CYP2C19: variants seen among roughly 807,000 people sequenced by gnomAD.
The protein encoded by CYP2C19 is cytochrome P450 2C19.
A neutral mutation model predicts 40.9 loss-of-function variants in CYP2C19; 59 were observed. That is an observed-to-expected ratio of 1.44 (90% CI 1.17 to 1.79). The LOEUF is 1.79. CYP2C19 is among the 40% of genes most tolerant of loss of function. The pLI is 0.00. For missense variants in CYP2C19, 754 were observed against 596.9 expected (o/e 1.26, Z -2.74); for synonymous variants, 253 against 208.7 (o/e 1.21, Z -1.83).
intron 5 of CYP2C19, among the ~76,000 whole-genome samples, chr10:94,795,891 G>C (rs959857011): frequency 6.6e-6 from 1 of 152,036 alleles, no homozygotes; most frequent in African/African-American, 2.4e-5. Flanking sequence ...GTAGATTCTT[G>C]ATATTAGGCC....
At chr10:94,829,170 T>C (rs529616109) in intron 6 of CYP2C19, among the ~76,000 whole-genome samples, 1 of 152,266 alleles carries the variant, frequency 6.6e-6, no homozygotes, top group East Asian at 1.9e-4. Flanking sequence ...AGGAGTATCT[T>C]TGTGGCGTTC....
chr10:94,838,136 A>G (rs977747673), intron 6 of CYP2C19, among the ~76,000 whole-genome samples: 1 of 152,044 alleles, frequency 6.6e-6, no homozygotes, highest in African/African-American at 2.4e-5. Flanking sequence ...TGAATAATTC[A>G]TAGTCTTCCT....
intron 7 of CYP2C19, among the ~76,000 whole-genome samples, chr10:94,843,703 G>A (rs1247219009): frequency 6.6e-6 from 1 of 152,092 alleles, no homozygotes; most frequent in Non-Finnish European, 1.5e-5. Context: ...CTGTATCTGT[G>A]TTAATATTGT....
intron 6 of CYP2C19, among the ~76,000 whole-genome samples, chr10:94,835,302 T>C (rs1421231390): frequency 6.6e-6 from 1 of 152,206 alleles, no homozygotes; most frequent in Non-Finnish European, 1.5e-5. Flanking sequence ...ATGGGTGCTA[T>C]CAATACCTAA....
At position 94,842,983 on chromosome 10, in the gene CYP2C19, G is replaced by A. The variant is rs1849519553; in HGVS notation, c.1108G>A (p.Val370Met). 3 of 1,614,204 alleles carry A rather than the reference G, an allele frequency of 1.9e-6. No homozygotes were observed. The highest frequency in any genetic ancestry group is 1.1e-5 in the South Asian group (1 of 91,080). The change falls in exon 7 of 9, where the codon GTG (valine) becomes ATG (methionine). Residue 370 changes from valine to methionine, a missense_variant. By Grantham distance (21) the Val-to-Met change is conservative. Coordinates refer to ENST00000371321, the MANE Select transcript of CYP2C19 (RefSeq NM_000769.4). Reference protein sequence around the residue: ...DLIPTSLPHAVTCDVKFRNYL... With the variant: ...DLIPTSLPHAMTCDVKFRNYL... ...CATCCCCACCAGCCTGCCCCATGCA[G>A]TGACCTGTGACGTTAAATTCAGAAA...
chr10:94,799,794 A>T (rs1299707873), intron 5 of CYP2C19, among the ~76,000 whole-genome samples: 1 of 151,866 alleles, frequency 6.6e-6, no homozygotes, highest in African/African-American at 2.4e-5. Flanking sequence ...ACTTGGTTTT[A>T]TTGACTATTG....
At chr10:94,833,817 T>C (rs547356013) in intron 6 of CYP2C19, among the ~76,000 whole-genome samples, 1 of 152,262 alleles carries the variant, frequency 6.6e-6, no homozygotes, top group South Asian at 2.1e-4. Context: ...GATTTCCACA[T>C]GTTGAACCAT....
rs549875085 is a variant in CYP2C19, at chr10:94,828,213, A to G, written c.961+7576A>G. On this transcript the variant is annotated intron_variant, in intron 6 of 8. Coordinates refer to ENST00000371321, the MANE Select transcript of CYP2C19 (RefSeq NM_000769.4). ...GCAGACCTGAGTTCAATTCCTGGGTATCCTTGTTGACTTTCTGTCTCGTTG... is the reference window on the plus strand; with the variant it reads ...GCAGACCTGAGTTCAATTCCTGGGTGTCCTTGTTGACTTTCTGTCTCGTTG... Among the ~76,000 whole-genome samples, 394 of 151,962 alleles carry G rather than the reference A, an allele frequency of 2.6e-3. 2 individuals carry two copies. Among genetic ancestry groups the G allele is most frequent in the African/African-American group, 8.4e-3 (346 of 41,398 alleles).
intron 5 of CYP2C19, among the ~76,000 whole-genome samples, chr10:94,814,217 C>A (rs1309334008): frequency 6.6e-6 from 1 of 151,766 alleles, no homozygotes; most frequent in Non-Finnish European, 1.5e-5. Flanking sequence ...CTGACTGGAG[C>A]TTTTCTTATT....
In CYP2C19 at chr10:94,842,838, TA is replaced by T; in HGVS notation, c.966del (p.Val323SerfsTer48). Reference protein sequence around the residue: ...LLLKHPEVTAKVQEEIERVIG... With the variant: ...LLLKHPEVTAXVQEEIERVIG... ...CAGTTCTTACTTGTGTCTTGTCAGC[TA>T]AAGTCCAGGAAGAGATTGAACGTGT... On this transcript the variant is annotated frameshift_variant and splice_region_variant, in exon 7 of 9. Transcript: ENST00000371321. LOFTEE classifies it high-confidence loss of function. 1 of 1,614,158 alleles carries T rather than the reference TA, an allele frequency of 6.2e-7. No homozygotes were observed. The highest frequency in any genetic ancestry group is 1.7e-5 in the Admixed American group (1 of 60,016).
intron 6 of CYP2C19, among the ~76,000 whole-genome samples, chr10:94,827,875 G>A (rs943597686): frequency 4.0e-4 from 61 of 151,808 alleles, no homozygotes; most frequent in Admixed American, 1.1e-3. Flanking sequence ...CTTTGTTCTT[G>A]TTGGTTTCAA....
intron 3 of CYP2C19, among the ~76,000 whole-genome samples, chr10:94,777,239 T>C (rs1429946458): frequency 6.6e-6 from 1 of 152,184 alleles, no homozygotes; most frequent in Admixed American, 6.5e-5. Flanking sequence ...AAGTAATTTA[T>C]AGGTTCAATG....
intron 7 of CYP2C19, among the ~76,000 whole-genome samples, chr10:94,843,414 T>C (rs1238460493): frequency 6.6e-6 from 1 of 152,220 alleles, no homozygotes; most frequent in East Asian, 1.9e-4. Flanking sequence ...TGTTTGTGAA[T>C]ATAATTATGC....
chr10:94,774,421 AG>A (rs1445333180), intron 1 of CYP2C19: 2 of 152,892 alleles, frequency 1.3e-5, no homozygotes, highest in African/African-American at 2.4e-5. Context: ...AACTCTGTTA[AG>A]GGGTTAAGGA....
chr10:94,804,315 A>T (rs1848804596), intron 5 of CYP2C19, among the ~76,000 whole-genome samples: 2 of 152,178 alleles, frequency 1.3e-5, no homozygotes, highest in Non-Finnish European at 2.9e-5. Context: ...GCCCAATTCC[A>T]GTACCCACTG....
intron 1 of CYP2C19, among the ~76,000 whole-genome samples, chr10:94,768,506 T>A (rs1343990368): frequency 1.3e-5 from 2 of 152,170 alleles, no homozygotes; most frequent in African/African-American, 4.8e-5. Context: ...CTGTATGTAT[T>A]TGAAGCACCA....
At chr10:94,822,811 G>T (rs1173465076) in intron 6 of CYP2C19, among the ~76,000 whole-genome samples, 9 of 151,930 alleles carry the variant, frequency 5.9e-5, no homozygotes, top group Admixed American at 3.3e-4. Flanking sequence ...ATTTTGATTT[G>T]GATTTCTCTG....
intron 1 of CYP2C19, among the ~76,000 whole-genome samples, chr10:94,767,934 C>G (rs1323764414): frequency 1.3e-5 from 2 of 152,112 alleles, no homozygotes; most frequent in Non-Finnish European, 2.9e-5. Context: ...ATGGGAGGTT[C>G]CACCTGGCAG....
chr10:94,797,376 C>T (rs1051434321), intron 5 of CYP2C19, among the ~76,000 whole-genome samples: 1 of 152,064 alleles, frequency 6.6e-6, no homozygotes, highest in South Asian at 2.1e-4. Context: ...TTTTGATGTG[C>T]TGCTGGATTC....
Sources: allele counts gnomAD v4.1 joint callset (sites outside exome capture counted in the v4.1 genomes callset), GRCh38; gene constraint gnomAD v4.1.1; transcripts MANE v1.5; gene names NCBI Gene and HGNC (gene_info 2026-07-23, HGNC 2026-07-21).